ITGB6: variants seen among roughly 807,000 people sequenced by gnomAD.
The protein encoded by ITGB6 is integrin subunit beta 6.
Under a neutral mutation model 84.5 loss-of-function variants are expected in ITGB6, and 80 were observed. The observed-to-expected ratio is 0.95, with a 90% CI of 0.79 to 1.14. The LOEUF (loss-of-function observed/expected upper bound fraction) is 1.14. Ranked by LOEUF, ITGB6 falls within the 50% of genes most tolerant of loss-of-function variation. ITGB6 has a pLI of 0.00. For synonymous variants in ITGB6, 383 were observed against 354.9 expected, an observed-to-expected ratio of 1.08 and a Z score of -0.89; for missense variants, 1,006 against 968.0, an observed-to-expected ratio of 1.04 and a Z score of -0.52.
At chr2:160,106,824 A>G (rs1232744305) in intron 14 of ITGB6, among the ~76,000 whole-genome samples, 1 of 152,194 alleles carries the variant, frequency 6.6e-6, no homozygotes, top group African/African-American at 2.4e-5. Context: ...TTAACATCAA[A>G]TTATTTGGGC....
At chr2:160,126,732 A>G (rs1683261292) in intron 10 of ITGB6, 131 bp from the exon 11 acceptor site, 1 of 802,894 alleles carries the variant, frequency 1.2e-6, no homozygotes, top group Non-Finnish European at 2.0e-6. Context: ...GAAAAAAAGT[A>G]TGTGTGTGAG....
chr2:160,171,435 C>T (rs1159161376), intron 6 of ITGB6, among the ~76,000 whole-genome samples: 2 of 151,204 alleles, frequency 1.3e-5, no homozygotes, highest in African/African-American at 4.9e-5. Context: ...CCTGGGTTCA[C>T]ACCATTCTCC....
chr2:160,122,022 C>A (rs1683062512), intron 12 of ITGB6, among the ~76,000 whole-genome samples: 1 of 151,622 alleles, frequency 6.6e-6, no homozygotes, highest in African/African-American at 2.4e-5. Flanking sequence ...AGTAACATAA[C>A]TGGATGAGTA....
chr2:160,113,908 T>C (rs1278100402), intron 12 of ITGB6, among the ~76,000 whole-genome samples: 1 of 152,174 alleles, frequency 6.6e-6, no homozygotes, highest in Non-Finnish European at 1.5e-5. Context: ...GACTATGCGT[T>C]TTCTTCTTGG....
At chr2:160,160,824 G>T (rs1426525270) in intron 7 of ITGB6, among the ~76,000 whole-genome samples, 5 of 152,132 alleles carry the variant, frequency 3.3e-5, no homozygotes, top group Admixed American at 2.0e-4. Context: ...GTGGCCAACT[G>T]CAACCATAGG....
intron 7 of ITGB6, among the ~76,000 whole-genome samples, chr2:160,145,722 C>T (rs1414632135): frequency 1.3e-5 from 2 of 152,172 alleles, no homozygotes; most frequent in Non-Finnish European, 2.9e-5. Context: ...CATGCGGTCA[C>T]ACAACTGCTG....
chr2:160,104,137 C>T (rs1696818777), intron 14 of ITGB6, among the ~76,000 whole-genome samples: 1 of 152,144 alleles, frequency 6.6e-6, no homozygotes, highest in South Asian at 2.1e-4. Context: ...AGGGCCAAGA[C>T]ATTGCTTATA....
chr2:160,181,163 G>A (rs1359213298), intron 4 of ITGB6, among the ~76,000 whole-genome samples: 1 of 152,134 alleles, frequency 6.6e-6, no homozygotes, highest in Non-Finnish European at 1.5e-5. Context: ...TGAAAAGGGG[G>A]CTGAAGCCAG....
intron 7 of ITGB6, among the ~76,000 whole-genome samples, chr2:160,155,511 T>C (rs1191799863): frequency 6.6e-6 from 1 of 152,146 alleles, no homozygotes; most frequent in Non-Finnish European, 1.5e-5. Context: ...TGTACTACCG[T>C]GGTGGGAGAT....
At chr2:160,131,728 T>C (rs1401181071) in intron 10 of ITGB6, among the ~76,000 whole-genome samples, 3 of 152,208 alleles carry the variant, frequency 2.0e-5, no homozygotes, top group Non-Finnish European at 4.4e-5. Context: ...GAAATCGGCA[T>C]TGGTGAAGTT....
chr2:160,142,053 G>T lies in ITGB6; in HGVS notation c.1036C>A (p.Pro346Thr), dbSNP rs1684019170. Residue 346 changes from proline (P) to threonine (T), a missense_variant, in exon 8 of 15, where the codon CCT (proline) becomes ACT (threonine). Pro to Thr is a conservative substitution (Grantham distance 38). Transcript: ENST00000283249. ...TGAAGTAGACCTACTGTAGCTCCAGGAATAAGTTTTGCGTAATTCTGTAAA... is the reference window on the plus strand; with the variant it reads ...TGAAGTAGACCTACTGTAGCTCCAGTAATAAGTTTTGCGTAATTCTGTAAA... ...HLYENYAKLI[P>T]GATVGLLQKD... The T allele has an allele frequency of 6.2e-7, 1 of 1,603,240 alleles. No individual in the cohort carries two copies.
At chr2:160,127,130 A>G (rs1381674160) in intron 10 of ITGB6, among the ~76,000 whole-genome samples, 3 of 152,216 alleles carry the variant, frequency 2.0e-5, no homozygotes, top group Non-Finnish European at 4.4e-5. Flanking sequence ...TTACCCCAAA[A>G]TATATTTCTT....
chr2:160,161,953 A>G, intron 7 of ITGB6, among the ~76,000 whole-genome samples: 1 of 152,226 alleles, frequency 6.6e-6, no homozygotes. Flanking sequence ...CACAACTGGA[A>G]GTGATCTGAT....
intron 10 of ITGB6, among the ~76,000 whole-genome samples, chr2:160,128,272 T>C (rs1170362460): frequency 1.6e-5 from 1 of 64,162 alleles, no homozygotes; most frequent in African/African-American, 6.2e-5. Flanking sequence ...GGGTAGACAA[T>C]ACAAAAAAAA....
intron 11 of ITGB6, among the ~76,000 whole-genome samples, chr2:160,124,384 A>G (rs1195961562): frequency 1.3e-5 from 2 of 152,216 alleles, no homozygotes; most frequent in African/African-American, 4.8e-5. Flanking sequence ...AACTCTTTTG[A>G]ATAAGTCTAA....
chr2:160,184,426 C>G (rs1050403421), intron 4 of ITGB6, among the ~76,000 whole-genome samples: 2 of 152,078 alleles, frequency 1.3e-5, no homozygotes, highest in African/African-American at 4.8e-5. Flanking sequence ...AAGACTAAAC[C>G]AGGAAGAAGT....
chr2:160,178,206 C>T (rs1685508341), intron 4 of ITGB6, among the ~76,000 whole-genome samples: 1 of 152,208 alleles, frequency 6.6e-6, no homozygotes, highest in South Asian at 2.1e-4. Context: ...TTATTCAACA[C>T]CACTGGCCTC....
chr2:160,155,932 G>T (rs1684607214), intron 7 of ITGB6, among the ~76,000 whole-genome samples: 1 of 152,166 alleles, frequency 6.6e-6, no homozygotes, highest in Non-Finnish European at 1.5e-5. Context: ...AACTGACAAT[G>T]CTCTCATACA....
chr2:160,196,672 C>A (rs554014215), intron 2 of ITGB6, among the ~76,000 whole-genome samples: 1 of 152,030 alleles, frequency 6.6e-6, no homozygotes, highest in East Asian at 1.9e-4. Context: ...ATTCACGTAA[C>A]AATTGCATGT....
Sources: allele counts gnomAD v4.1 joint callset (sites outside exome capture counted in the v4.1 genomes callset), GRCh38; gene constraint gnomAD v4.1.1; transcripts MANE v1.5; gene names NCBI Gene and HGNC (gene_info 2026-07-23, HGNC 2026-07-21).